Variants in FBXL7 observed in about 807,000 individuals in gnomAD.
The protein encoded by FBXL7 is F-box/LRR-repeat protein 7.
FBXL7 carries 12 observed loss-of-function variants against 38.3 expected under a neutral mutation model. The observed-to-expected ratio is 0.31, with a 90% CI of 0.20 to 0.51. The LOEUF (loss-of-function observed/expected upper bound fraction) is 0.51. Ranked by LOEUF, FBXL7 falls within the 20% of genes least tolerant of loss-of-function variation. The probability of loss-of-function intolerance (pLI) is 0.98; values close to 1 mark genes in which losing one functional copy is unlikely to be tolerated. For missense variants in FBXL7, 567 were observed against 676.4 expected, an observed-to-expected ratio of 0.84 and a Z score of 1.79; for synonymous variants, 297 against 300.9, an observed-to-expected ratio of 0.99 and a Z score of 0.13.
chr5:15,685,930 A>G (rs1743002467), intron 2 of FBXL7, among the ~76,000 whole-genome samples: 1 of 152,154 alleles, frequency 6.6e-6, no homozygotes, highest in African/African-American at 2.4e-5. Flanking sequence ...CTGGTCTTTG[A>G]ATTAACTAGC....
chr5:15,732,848 G>C (rs1473340918), intron 2 of FBXL7, among the ~76,000 whole-genome samples: 1 of 152,210 alleles, frequency 6.6e-6, no homozygotes, highest in Non-Finnish European at 1.5e-5. Flanking sequence ...AAGGGCAGAA[G>C]AGCTTTGCAC....
chr5:15,927,843 T>C (rs1214289846), intron 2 of FBXL7, 47 bp from the exon 3 acceptor site: 1 of 1,424,504 alleles, frequency 7.0e-7, no homozygotes, highest in South Asian at 1.8e-5. Flanking sequence ...TCCCTGGGGC[T>C]CTGCTGAGGC....
chr5:15,526,282 A>G (rs979852711), intron 1 of FBXL7, among the ~76,000 whole-genome samples: 2 of 152,116 alleles, frequency 1.3e-5, no homozygotes, highest in South Asian at 2.1e-4. Flanking sequence ...GGGCTGGCAC[A>G]GTGATCTTGG....
chr5:15,747,743 C>T (rs886646334), intron 2 of FBXL7, among the ~76,000 whole-genome samples: 3 of 152,222 alleles, frequency 2.0e-5, no homozygotes, highest in South Asian at 2.1e-4. Context: ...ATAAGGGAAT[C>T]GTGGGATCCA....
intron 2 of FBXL7, among the ~76,000 whole-genome samples, chr5:15,721,674 C>T (rs909186940): frequency 2.0e-5 from 3 of 151,988 alleles, no homozygotes; most frequent in Non-Finnish European, 4.4e-5. Context: ...CCTACTATGC[C>T]ATTTCTGAGC....
chr5:15,907,673 C>A (rs1579592319), intron 2 of FBXL7, among the ~76,000 whole-genome samples: 1 of 36,846 alleles, frequency 2.7e-5, no homozygotes, highest in Non-Finnish European at 4.5e-5. Context: ...AATCTTTAAT[C>A]CATCTTGAAT....
chr5:15,525,883 A>G lies in FBXL7; in HGVS notation c.37+25170A>G, dbSNP rs1737238255. 1.3e-5 allele frequency among the ~76,000 whole-genome samples: 2 copies of G among 152,184 alleles called. 1 individual carries two copies. Among genetic ancestry groups the G allele is most frequent in the South Asian group, 4.1e-4 (2 of 4,834 alleles). ...GCAAAGTATTGCACAAGATTATTTG[A>G]AGTATTATACAAGCACTACATATGC... is the stretch of plus-strand genomic sequence containing the variant. On this transcript the variant is annotated intron_variant, in intron 1 of 3. Transcript: ENST00000504595.
At chr5:15,739,032 T>C (rs986251957) in intron 2 of FBXL7, among the ~76,000 whole-genome samples, 5 of 152,244 alleles carry the variant, frequency 3.3e-5, no homozygotes, top group African/African-American at 1.2e-4. Context: ...TGATATGAGG[T>C]GTCCATTTGG....
intron 2 of FBXL7, among the ~76,000 whole-genome samples, chr5:15,822,658 G>A (rs1211705448): frequency 6.8e-6 from 1 of 147,768 alleles, no homozygotes; most frequent in East Asian, 2.0e-4. Flanking sequence ...GGGCGTTAAG[G>A]TTAGTATAGT....
chr5:15,704,429 G>T (rs1024053915), intron 2 of FBXL7, among the ~76,000 whole-genome samples: 2 of 152,136 alleles, frequency 1.3e-5, no homozygotes, highest in African/African-American at 4.8e-5. Context: ...AGGAAAACTT[G>T]TTGAGGTAAA....
intron 1 of FBXL7, among the ~76,000 whole-genome samples, chr5:15,615,044 G>GC (rs1740398934): frequency 6.6e-6 from 1 of 152,194 alleles, no homozygotes; most frequent in Non-Finnish European, 1.5e-5. Flanking sequence ...AGGAGATGAT[G>GC]CGGACATGGA....
At chr5:15,808,778 C>G (rs1204401382) in intron 2 of FBXL7, among the ~76,000 whole-genome samples, 1 of 152,194 alleles carries the variant, frequency 6.6e-6, no homozygotes, top group African/African-American at 2.4e-5. Context: ...TCCTGACACA[C>G]AGCAGGGACT....
chr5:15,579,078 T>G (rs914721933), intron 1 of FBXL7, among the ~76,000 whole-genome samples: 2 of 152,354 alleles, frequency 1.3e-5, no homozygotes, highest in African/African-American at 4.8e-5. Flanking sequence ...TCTTTAACTT[T>G]CATCTTTCCA....
intron 2 of FBXL7, among the ~76,000 whole-genome samples, chr5:15,919,690 A>G (rs13153362): frequency 0.34 from 52,047 of 152,056 alleles, 9,229 homozygotes; most frequent in Admixed American, 0.52. Context: ...TACATTTATA[A>G]TGAGAAAATC....
In FBXL7 at chr5:15,927,890, A is replaced by G. The variant is rs1741925386; in HGVS notation, c.128A>G (p.Asp43Gly). 2 of 1,518,604 alleles carry G rather than the reference A, an allele frequency of 1.3e-6. No homozygotes were observed. Among genetic ancestry groups the G allele is most frequent in the Non-Finnish European group, 1.8e-6 (2 of 1,133,292 alleles). 94.1% of individuals were successfully genotyped at this position (1,518,604 alleles called of 1,614,324 possible). A position where few individuals can be genotyped will look rare whatever the true frequency, so the allele number is the denominator to read the frequency against. Reference sequence around the variant, plus strand: ...ACCTTTGTTCTCTGTCCTTTGCCAGACTCCGACCTGAGCATGCGCACACTG... The same window carrying G: ...ACCTTTGTTCTCTGTCCTTTGCCAGGCTCCGACCTGAGCATGCGCACACTG... Reference protein sequence around the residue: ...KAQKNVATSEDSDLSMRTLST... With the variant: ...KAQKNVATSEGSDLSMRTLST... The change falls in exon 3 of 4, where the codon GAC becomes GGC. Residue 43 changes from aspartate (D) to glycine (G), a missense_variant and splice_region_variant. Transcript: ENST00000504595.
At chr5:15,521,775 TG>T (rs1344371739) in intron 1 of FBXL7, among the ~76,000 whole-genome samples, 9 of 152,214 alleles carry the variant, frequency 5.9e-5, no homozygotes, top group African/African-American at 2.2e-4. Flanking sequence ...CTTGAAAGAA[TG>T]TGCCTCTTCT....
Position 15,830,485 on chromosome 5 carries a change from AACACACACACAC to A in FBXL7, c.128-97376_128-97365del, listed in dbSNP as rs57825713. On this transcript the variant is annotated intron_variant, in intron 2 of 3. Transcript: ENST00000504595. ...GGCGACAGAGTGAGACTCCATCTAA[AACACACACACAC>A]ACACACACACACACACACACACACA... Among the ~76,000 whole-genome samples the A allele has an allele frequency of 3.2e-3, 466 of 144,298 alleles. 4 individuals are homozygous for A. Among genetic ancestry groups the A allele is most frequent in the African/African-American group, 0.011 (441 of 38,768 alleles). 94.7% of individuals were successfully genotyped at this position (144,298 alleles called of 152,430 possible).
chr5:15,872,801 T>C (rs1343179672), intron 2 of FBXL7, among the ~76,000 whole-genome samples: 3 of 152,030 alleles, frequency 2.0e-5, no homozygotes, highest in Non-Finnish European at 4.4e-5. Context: ...AGAGACTACA[T>C]AGAGATGTAG....
At chr5:15,851,400 A>G (rs1364073392) in intron 2 of FBXL7, among the ~76,000 whole-genome samples, 1 of 152,222 alleles carries the variant, frequency 6.6e-6, no homozygotes, top group African/African-American at 2.4e-5. Flanking sequence ...ACCTAACCAT[A>G]GGAATAAAGC....
Sources: allele counts gnomAD v4.1 joint callset (sites outside exome capture counted in the v4.1 genomes callset), GRCh38; gene constraint gnomAD v4.1.1; transcripts MANE v1.5; gene names NCBI Gene and HGNC (gene_info 2026-07-23, HGNC 2026-07-21).